Variants in UBAC2 observed in about 807,000 individuals in gnomAD.
UBAC2 encodes UBA domain containing 2, also known as ubiquitin-associated domain-containing protein 2.
Under a neutral mutation model 44.0 loss-of-function variants are expected in UBAC2, and 26 were observed. The ratio of observed to expected loss-of-function variants is 0.59; its 90% CI spans 0.43 to 0.82. The LOEUF is 0.82. Among genes scored for constraint, UBAC2 ranks in the 40% least tolerant of loss-of-function variants. The probability of loss-of-function intolerance (pLI) is 0.00; values close to 1 mark genes in which losing one functional copy is unlikely to be tolerated. For missense variants in UBAC2, 329 were observed against 419.4 expected (o/e 0.78, Z 1.88); for synonymous variants, 155 against 154.3 (o/e 1.00, Z -0.04).
intron 4 of UBAC2, chr13:99,255,929 T>C (rs1183221818): frequency 1.2e-5 from 18 of 1,452,922 alleles, no homozygotes; most frequent in Non-Finnish European, 1.6e-5. Flanking sequence ...TTAAGAAAAA[T>C]AAGAATAAAA....
intron 7 of UBAC2, among the ~76,000 whole-genome samples, chr13:99,347,016 G>T (rs1381324989): frequency 6.6e-6 from 1 of 152,172 alleles, no homozygotes. Context: ...AGTGGTTCAC[G>T]CCTGTAATCC....
intron 4 of UBAC2, among the ~76,000 whole-genome samples, chr13:99,301,288 G>A (rs898255394): frequency 5.9e-5 from 9 of 152,204 alleles, no homozygotes; most frequent in Non-Finnish European, 7.3e-5. Flanking sequence ...GGCCCTGTCG[G>A]CCTTCAAGGC....
At chr13:99,247,309 G>A (rs1432370918) in intron 4 of UBAC2, among the ~76,000 whole-genome samples, 2 of 151,442 alleles carry the variant, frequency 1.3e-5, no homozygotes, top group Admixed American at 1.3e-4. Context: ...CCGCCTCCCC[G>A]GTTCACGCCA....
chr13:99,212,454 A>G (rs1228625671), intron 1 of UBAC2, among the ~76,000 whole-genome samples: 3 of 152,228 alleles, frequency 2.0e-5, no homozygotes, highest in African/African-American at 4.8e-5. Flanking sequence ...TAGTCCCTTC[A>G]GTGGACGTGA....
intron 7 of UBAC2, among the ~76,000 whole-genome samples, chr13:99,354,247 C>T (rs946129902): frequency 2.0e-5 from 3 of 152,224 alleles, no homozygotes; most frequent in South Asian, 2.1e-4. Context: ...CAGTGTGAGC[C>T]GGGTGACATG....
Position 99,295,381 on chromosome 13 carries a change from G to A in UBAC2, c.390-18716G>A. The A allele has an allele frequency of 6.2e-7, 1 of 1,614,080 alleles. No individual in the cohort carries two copies. The highest frequency in any genetic ancestry group is 8.5e-7 in the Non-Finnish European group (1 of 1,179,982). On this transcript the variant is annotated intron_variant, in intron 4 of 8. Coordinates refer to ENST00000403766, the MANE Select transcript of UBAC2 (RefSeq NM_001144072.2). The surrounding 1 kb of genome is among the most constrained non-coding windows in gnomAD (Gnocchi z 4.1). ...TTGCAACATGGTAAGGTGTGAAACA[G>A]AGAACAAACACAACAATAATAAGAA...
At chr13:99,301,306 C>T (rs773023649) in intron 4 of UBAC2, among the ~76,000 whole-genome samples, 4 of 152,218 alleles carry the variant, frequency 2.6e-5, no homozygotes, top group Non-Finnish European at 4.4e-5. Flanking sequence ...GGCTCCTGTA[C>T]CTTCTGCTGG....
At chr13:99,205,495 A>C (rs947012657) in intron 1 of UBAC2, among the ~76,000 whole-genome samples, 5 of 152,330 alleles carry the variant, frequency 3.3e-5, no homozygotes, top group African/African-American at 1.2e-4. Flanking sequence ...TCCTCCCCAG[A>C]GGGTCAGATT....
chr13:99,319,576 G>T (rs545054785), intron 6 of UBAC2, among the ~76,000 whole-genome samples: 2 of 152,248 alleles, frequency 1.3e-5, no homozygotes, highest in African/African-American at 2.4e-5. Context: ...TGATATGCTT[G>T]CAGCCAATAT....
rs576169900 is a variant in UBAC2 at position 99,208,054 on chromosome 13, A to G, written c.31+7115A>G. On this transcript the variant is annotated intron_variant, in intron 1 of 8. Coordinates refer to ENST00000403766, the MANE Select transcript of UBAC2 (RefSeq NM_001144072.2). ...CTCTTGTTGCCCAGGCTGGAGTGCA[A>G]TGGCGTGATCTTGGCTCACTGCAGC... Among the ~76,000 whole-genome samples the G allele has an allele frequency of 2.8e-5, 4 of 141,326 alleles. No individual in the cohort carries two copies. The East Asian group carries it at 8.3e-4, about 29-fold the overall frequency. 92.7% of individuals were successfully genotyped at this position (141,326 alleles called of 152,430 possible).
chr13:99,341,660 AAGT>A (rs1436165312), intron 7 of UBAC2, among the ~76,000 whole-genome samples: 4 of 152,156 alleles, frequency 2.6e-5, no homozygotes, highest in African/African-American at 9.7e-5. Flanking sequence ...GAAAGCAAAG[AAGT>A]AGTAAGTTCT....
At chr13:99,332,120 A>G (rs2044723270) in intron 6 of UBAC2, among the ~76,000 whole-genome samples, 1 of 152,066 alleles carries the variant, frequency 6.6e-6, no homozygotes, top group African/African-American at 2.4e-5. Flanking sequence ...GGTTTCTTGA[A>G]TGTGGGACCG....
chr13:99,200,908 C>G lies in UBAC2; in HGVS notation c.-1C>G. On this transcript the variant is annotated 5_prime_UTR_variant, in exon 1 of 9. Coordinates refer to ENST00000403766, the MANE Select transcript of UBAC2 (RefSeq NM_001144072.2). ...TCTGGGGCTCCGAGCCCGGCGGGAC[C>G]ATGTTCACCAGCACCGGCTCCAGTG... is the stretch of plus-strand genomic sequence containing the variant. 1 of 1,304,588 alleles carries G rather than the reference C, an allele frequency of 7.7e-7. No homozygotes were observed. Among genetic ancestry groups the G allele is most frequent in the Non-Finnish European group, 9.8e-7 (1 of 1,018,452 alleles). 80.8% of individuals were successfully genotyped at this position (1,304,588 alleles called of 1,614,324 possible).
intron 4 of UBAC2, among the ~76,000 whole-genome samples, chr13:99,253,104 T>C (rs1214492597): frequency 6.7e-6 from 1 of 150,078 alleles, no homozygotes; most frequent in Non-Finnish European, 1.5e-5. Context: ...TATAAAGATA[T>C]AATATCTATA....
intron 8 of UBAC2, among the ~76,000 whole-genome samples, chr13:99,378,001 C>G (rs1233585686): frequency 6.6e-6 from 1 of 152,214 alleles, no homozygotes; most frequent in Non-Finnish European, 1.5e-5. Context: ...AAGCATGAAC[C>G]TGGTTTTCTG....
At chr13:99,350,295 G>A (rs1369295816) in intron 7 of UBAC2, among the ~76,000 whole-genome samples, 1 of 152,168 alleles carries the variant, frequency 6.6e-6, no homozygotes, top group Admixed American at 6.5e-5. Flanking sequence ...AGTGAGAAGT[G>A]TCTTTTCACA....
Position 99,313,999 on chromosome 13 carries a change from C to G in UBAC2, c.390-98C>G, listed in dbSNP as rs187334879. On this transcript the variant is annotated intron_variant, in intron 4 of 8. Coordinates refer to ENST00000403766, the MANE Select transcript of UBAC2 (RefSeq NM_001144072.2). The stretch of plus-strand genomic sequence containing the variant: ...GTATATCTAAGACCATGCTTTCAGA[C>G]TGAAATAAAATTATAAGCAGTGTTA... 216 of 1,179,134 alleles carry G rather than the reference C, an allele frequency of 1.8e-4. 3 individuals carry two copies. In the East Asian group the frequency reaches 3.2e-3, roughly 18 times the overall value. 73.0% of individuals were successfully genotyped at this position (1,179,134 alleles called of 1,614,324 possible).
chr13:99,280,370 TACG>T (rs1192547275), intron 4 of UBAC2, among the ~76,000 whole-genome samples: 2 of 152,228 alleles, frequency 1.3e-5, no homozygotes, highest in Non-Finnish European at 2.9e-5. Context: ...ATTCATTTAT[TACG>T]ACAATTGTGG....
At chr13:99,348,734 G>A (rs1392759843) in intron 7 of UBAC2, among the ~76,000 whole-genome samples, 2 of 152,234 alleles carry the variant, frequency 1.3e-5, no homozygotes, top group African/African-American at 4.8e-5. Flanking sequence ...CGGTAGGCTG[G>A]CCACAGTGGC....
Sources: allele counts gnomAD v4.1 joint callset (sites outside exome capture counted in the v4.1 genomes callset), GRCh38; gene constraint gnomAD v4.1.1; non-coding constraint Gnocchi (gnomAD v3.1); transcripts MANE v1.5; gene names NCBI Gene and HGNC (gene_info 2026-07-23, HGNC 2026-07-21).